Variants in MTMR6 observed in about 807,000 individuals in gnomAD.
MTMR6 encodes phosphatidylinositol-3,5-bisphosphate 3-phosphatase MTMR6.
In MTMR6, 47 loss-of-function variants were observed where a neutral mutation model predicts 80.1. The observed-to-expected ratio is 0.59, with a 90% confidence interval of 0.46 to 0.75. The LOEUF is 0.75. MTMR6 is among the 30% of genes least tolerant of loss of function. The probability of loss-of-function intolerance (pLI) is 0.00; values close to 1 mark genes in which losing one functional copy is unlikely to be tolerated. For missense variants in MTMR6, 629 were observed against 730.9 expected (o/e 0.86, Z 1.61); for synonymous variants, 254 against 253.0 (o/e 1.00, Z -0.04).
rs753864635 is a variant in MTMR6, at chr13:25,267,956, A to T, written c.142-15T>A. 1 of 1,567,100 alleles carries T rather than the reference A, an allele frequency of 6.4e-7. No individual in the cohort carries two copies. The highest frequency in any genetic ancestry group is 8.6e-7 in the Non-Finnish European group (1 of 1,156,790). The stretch of plus-strand genomic sequence containing the variant: ...TGGTGTAATATCTACAGCATGAAAA[A>T]ACATCCAGGTCATCAACATGGAAAG... On this transcript the variant is annotated splice_polypyrimidine_tract_variant and intron_variant, in intron 2 of 13. Transcript: ENST00000381801.
chr13:25,286,033 A>G (rs1454481358), intron 1 of MTMR6, among the ~76,000 whole-genome samples: 3 of 152,232 alleles, frequency 2.0e-5, no homozygotes, highest in Non-Finnish European at 4.4e-5. Context: ...TTATAGACTT[A>G]AGCACCCTTC....
Position 25,274,059 on chromosome 13 carries a change from G to C in MTMR6, c.141+12C>G, listed in dbSNP as rs373550606. ...TTATTATGATAAATAGTACAGCTGC[G>C]GTCCTCCTTACCCAGGTTTCTTTTT... On this transcript the variant is annotated intron_variant, in intron 2 of 13. Transcript: ENST00000381801. 3 of 1,430,202 alleles carry C rather than the reference G, an allele frequency of 2.1e-6. No individual in the cohort carries two copies. Among genetic ancestry groups the C allele is most frequent in the African/African-American group, 1.4e-5 (1 of 70,426 alleles). 88.6% of individuals were successfully genotyped at this position (1,430,202 alleles called of 1,614,324 possible).
At chr13:25,285,680 C>A (rs1341060569) in intron 1 of MTMR6, among the ~76,000 whole-genome samples, 1 of 151,956 alleles carries the variant, frequency 6.6e-6, no homozygotes, top group Non-Finnish European at 1.5e-5. Flanking sequence ...ATTACAGGCG[C>A]CTGCCACCAT....
chr13:25,277,762 A>G (rs1316630751), intron 1 of MTMR6, among the ~76,000 whole-genome samples: 1 of 152,152 alleles, frequency 6.6e-6, no homozygotes, highest in East Asian at 1.9e-4. Flanking sequence ...ACATGTCTGG[A>G]CTTTCAATCC....
chr13:25,261,540 T>C, intron 6 of MTMR6, 128 bp downstream of exon 6: 3 of 781,742 alleles, frequency 3.8e-6, no homozygotes, highest in Non-Finnish European at 5.5e-6. Context: ...TTCCTTAGTA[T>C]CATTAGCCTT....
Position 25,253,980 on chromosome 13 carries a change from G to A in MTMR6, c.1146-16C>T, listed in dbSNP as rs1252337674. ...CTGGCCACACCTAACCCCACAGAAAGTATAAGCTTTTAAAAACACCTCTGA... is the reference window on the plus strand; with the variant it reads ...CTGGCCACACCTAACCCCACAGAAAATATAAGCTTTTAAAAACACCTCTGA... On this transcript the variant is annotated splice_polypyrimidine_tract_variant and intron_variant, in intron 10 of 13. Coordinates refer to ENST00000381801, the MANE Select transcript of MTMR6 (RefSeq NM_004685.5). The A allele has an allele frequency of 1.2e-6, 2 of 1,612,852 alleles. No homozygotes were observed. Among genetic ancestry groups the A allele is most frequent in the South Asian group, 1.1e-5 (1 of 90,954 alleles).
intron 1 of MTMR6, 23 bp from the exon 2 acceptor site, chr13:25,274,210 T>C (rs769059051): frequency 3.4e-6 from 5 of 1,470,046 alleles, no homozygotes; most frequent in Non-Finnish European, 4.7e-6. Context: ...AAGATATTAT[T>C]TCTCATTTCA....
At chr13:25,271,345 G>C (rs1957571759) in intron 2 of MTMR6, among the ~76,000 whole-genome samples, 2 of 152,074 alleles carry the variant, frequency 1.3e-5, no homozygotes, top group African/African-American at 4.8e-5. Context: ...TGTTCAGTCA[G>C]GTATTCATTT....
In MTMR6 at chr13:25,251,905, C is replaced by T. The variant is rs370493335; in HGVS notation, c.1426G>A (p.Glu476Lys). ...TCCAAAACTGTAAATCTGTGAGATT[C>T]GGAACTGTAGAGAGGATTTAAGTAC... is the stretch of plus-strand genomic sequence containing the variant. ...KKYLNPLYSS[E>K]SHRFTVLEPN... The change falls in exon 12 of 14, where the codon GAA becomes AAA. Residue 476 changes from glutamate to lysine, a missense_variant. Coordinates refer to ENST00000381801, the MANE Select transcript of MTMR6 (RefSeq NM_004685.5). The surrounding 1 kb of genome is among the most constrained non-coding windows in gnomAD (Gnocchi z 4.1). 73 of 1,607,584 alleles carry T rather than the reference C, an allele frequency of 4.5e-5. No individual in the cohort carries two copies. The highest frequency in any genetic ancestry group is 5.6e-5 in the Non-Finnish European group (66 of 1,178,250).
Position 25,257,818 on chromosome 13 carries a change from T to C in MTMR6, c.887A>G (p.Asn296Ser), listed in dbSNP as rs764329479. 3.7e-6 allele frequency: 6 copies of C among 1,613,828 alleles called. No homozygotes were observed. The highest frequency in any genetic ancestry group is 2.2e-5 in the East Asian group (1 of 44,858). The stretch of plus-strand genomic sequence containing the variant: ...GCTCTCCAAACCGGAGTAGAAATCA[T>C]TGACAGAAAGCCCTTTAGTGCCATT... ...EVNGTKGLSV[N>S]DFYSGLESSG... The change falls in exon 8 of 14, where the codon AAT (asparagine) becomes AGT (serine). Residue 296 changes from asparagine to serine, a missense_variant. Asn to Ser is a conservative substitution (Grantham distance 46). Transcript: ENST00000381801.
At chr13:25,286,468 G>A (rs530909993) in intron 1 of MTMR6, among the ~76,000 whole-genome samples, 1 of 152,124 alleles carries the variant, frequency 6.6e-6, no homozygotes. Context: ...ACGTAATTTG[G>A]TAACATTCTG....
At position 25,251,919 on chromosome 13, in the gene MTMR6, G is replaced by A; in HGVS notation, c.1412C>T (p.Pro471Leu). The A allele has an allele frequency of 6.2e-7, 1 of 1,609,440 alleles. No individual in the cohort carries two copies. Among genetic ancestry groups the A allele is most frequent in the Non-Finnish European group, 8.5e-7 (1 of 1,178,404 alleles). ...TCTGTGAGATTCGGAACTGTAGAGAGGATTTAAGTACTTCTTTTGGTCTTC... is the reference window on the plus strand; with the variant it reads ...TCTGTGAGATTCGGAACTGTAGAGAAGATTTAAGTACTTCTTTTGGTCTTC... ...LLEDQKKYLN[P>L]LYSSESHRFT... The change falls in exon 12 of 14, where the codon CCT (proline) becomes CTT (leucine). Residue 471 changes from proline (P) to leucine (L), a missense_variant. By Grantham distance (98) the Pro-to-Leu change is moderately conservative. Coordinates refer to ENST00000381801, the MANE Select transcript of MTMR6 (RefSeq NM_004685.5). This position sits in a 1 kb window ranked among gnomAD's most constrained non-coding sequence, Gnocchi z 4.1.
In MTMR6 at chr13:25,246,594, T is replaced by A. The variant is rs897058444; in HGVS notation, c.*2638A>T. The A allele has an allele frequency of 6.6e-6, 1 of 152,656 alleles. No individual in the cohort carries two copies. Among genetic ancestry groups the A allele is most frequent in the Non-Finnish European group, 1.5e-5 (1 of 68,038 alleles). 9.5% of individuals were successfully genotyped at this position (152,656 alleles called of 1,614,324 possible). A position where few individuals can be genotyped will look rare whatever the true frequency, so the allele number is the denominator to read the frequency against. Reference sequence around the variant, plus strand: ...TCACTTTCAATGGCAAAAGCCCCAATTACTTTTGCAGCAACTATATAGTTT... The same window carrying A: ...TCACTTTCAATGGCAAAAGCCCCAAATACTTTTGCAGCAACTATATAGTTT... On this transcript the variant is annotated 3_prime_UTR_variant, in exon 14 of 14. Transcript: ENST00000381801.
chr13:25,273,993 TATACAC>T, intron 2 of MTMR6, 72 bp downstream of exon 2: 2 of 1,046,978 alleles, frequency 1.9e-6, no homozygotes, highest in Non-Finnish European at 2.8e-6. Flanking sequence ...AAAATTGTGT[TATACAC>T]ATTCAAAATA....
Position 25,258,563 on chromosome 13 carries a change from C to T in MTMR6, c.856G>A (p.Glu286Lys). Residue 286 changes from glutamate to lysine, a missense_variant, in exon 7 of 14, where the codon GAA becomes AAA. Transcript: ENST00000381801. Reference sequence around the variant, plus strand: ...AAAAAAGTAAGCAATAATATACCTTCCAATAATTTCTGAAGGCTGGACCTC... The same window carrying T: ...AAAAAAGTAAGCAATAATATACCTTTCAATAATTTCTGAAGGCTGGACCTC... ...VMRSSLQKLLEVNGTKGLSVN... is the reference protein window; with the variant it reads ...VMRSSLQKLLKVNGTKGLSVN... The T allele has an allele frequency of 6.3e-7, 1 of 1,588,002 alleles. No homozygotes were observed. The highest frequency in any genetic ancestry group is 8.5e-7 in the Non-Finnish European group (1 of 1,172,618).
At chr13:25,279,485 G>A (rs1395255024) in intron 1 of MTMR6, among the ~76,000 whole-genome samples, 3 of 152,092 alleles carry the variant, frequency 2.0e-5, no homozygotes, top group African/African-American at 7.2e-5. Flanking sequence ...GTGTGAAAAT[G>A]GACTAATACA....
At chr13:25,264,980 G>C (rs566430009) in intron 5 of MTMR6, among the ~76,000 whole-genome samples, 97 of 152,106 alleles carry the variant, frequency 6.4e-4, no homozygotes, top group African/African-American at 1.9e-3. Context: ...TACAAAGTTA[G>C]GAAGACATAC....
At chr13:25,264,869 G>A (rs9511735) in intron 5 of MTMR6, among the ~76,000 whole-genome samples, 1 of 151,352 alleles carries the variant, frequency 6.6e-6, no homozygotes, top group Non-Finnish European at 1.5e-5. Flanking sequence ...AAATGGCACA[G>A]AATTCCTCAA....
At chr13:25,255,791 G>C (rs1957192833) in intron 9 of MTMR6, among the ~76,000 whole-genome samples, 1 of 152,126 alleles carries the variant, frequency 6.6e-6, no homozygotes. Flanking sequence ...CAAAGTGCTG[G>C]GATTACAGGC....
Sources: gnomAD v4.1 joint callset for allele counts (sites outside exome capture counted in the v4.1 genomes callset) on GRCh38, gnomAD v4.1.1 for gene constraint, Gnocchi (gnomAD v3.1) non-coding constraint, MANE v1.5 for transcripts, NCBI Gene and HGNC (gene_info 2026-07-23, HGNC 2026-07-21) for gene names.